ZNF91: variants seen among roughly 807,000 people sequenced by gnomAD.
ZNF91 encodes zinc finger protein 91, also known as zinc finger protein 91 (HPF7, HTF10).
ZNF91 carries 7 observed loss-of-function variants against 12.6 expected under a neutral mutation model. The observed-to-expected ratio is 0.55, with a 90% CI of 0.31 to 1.04. ZNF91 has a LOEUF of 1.04. Among genes scored for constraint, ZNF91 ranks in the 50% least tolerant of loss-of-function variants. The pLI, the probability that ZNF91 is intolerant of heterozygous loss-of-function variation, is 0.05. For missense variants in ZNF91, 1,217 were observed against 1,385.4 expected (o/e 0.88, Z 1.93); for synonymous variants, 453 against 462.6 (o/e 0.98, Z 0.27).
chr19:23,368,552 C>A (rs71357974), intron 3 of ZNF91, among the ~76,000 whole-genome samples: 28,016 of 78,858 alleles, frequency 0.36, 3,989 homozygotes, highest in Non-Finnish European at 0.44. Flanking sequence ...CTCTCTCTCT[C>A]TCTCTCTCTC....
rs766820088 is a variant in ZNF91, at chr19:23,362,752, A to T, written c.254-27T>A. The stretch of plus-strand genomic sequence containing the variant: ...TGAAAAAAAAAAACTAAAAATAATA[A>T]ATTACTCCACTCACCTAGACTCACA... On this transcript the variant is annotated intron_variant, in intron 3 of 3. Coordinates refer to ENST00000300619, the MANE Select transcript of ZNF91 (RefSeq NM_003430.4). The T allele has an allele frequency of 2.8e-6, 4 of 1,414,872 alleles. No homozygotes were observed. The South Asian group carries it at 7.8e-5, about 28-fold the overall frequency. 87.6% of individuals were successfully genotyped at this position (1,414,872 alleles called of 1,614,324 possible).
intron 1 of ZNF91, among the ~76,000 whole-genome samples, chr19:23,309,951 T>G (rs1452394531): frequency 2.6e-5 from 4 of 152,182 alleles, no homozygotes; most frequent in Admixed American, 6.5e-5. Context: ...ATCTCACACA[T>G]GGATGCAGTC....
At chr19:23,336,131 GTAATTTTAACTAATATAT>G (rs1968003896), downstream of ZNF91, among the ~76,000 whole-genome samples, 1 of 152,126 alleles carries the variant, frequency 6.6e-6, no homozygotes, top group African/African-American at 2.4e-5. Context: ...TCTTAATATA[GTAATTTTAACTAATATAT>G]TAATTTTAAC....
intron 1 of ZNF91, among the ~76,000 whole-genome samples, chr19:23,333,459 ATTAT>A (rs1377464443): frequency 6.6e-6 from 1 of 152,124 alleles, no homozygotes; most frequent in East Asian, 1.9e-4. Flanking sequence ...TCTGGGAGGT[ATTAT>A]TTCTTTGTTG....
chr19:23,364,148 G>C (rs752092109), intron 3 of ZNF91, among the ~76,000 whole-genome samples: 2 of 152,142 alleles, frequency 1.3e-5, no homozygotes, highest in Non-Finnish European at 1.5e-5. Context: ...GTGAAACCCC[G>C]TCTCTACTAA....
chr19:23,371,886 G>T (rs1381885688), intron 3 of ZNF91, among the ~76,000 whole-genome samples: 2 of 152,034 alleles, frequency 1.3e-5, no homozygotes, highest in African/African-American at 2.4e-5. Context: ...TTAAATATGT[G>T]CTATTTTTAC....
rs1489162284 is a variant in ZNF91 at position 23,361,177 on chromosome 19, G to A, written c.1802C>T (p.Ser601Phe). 8 of 1,613,376 alleles carry A rather than the reference G, an allele frequency of 5.0e-6. No individual in the cohort carries two copies. Among genetic ancestry groups the A allele is most frequent in the Non-Finnish European group, 5.9e-6 (7 of 1,179,800 alleles). Reference protein sequence around the residue: ...THKIIHTGEKSYKCEECGKAF... With the variant: ...THKIIHTGEKFYKCEECGKAF... ...TTTGCCACATTCTTCACACTTGTAA[G>A]ACTTCTCTCCAGTATGAATTATCTT... is the stretch of plus-strand genomic sequence containing the variant. The change falls in exon 4 of 4, where the codon TCT (serine) becomes TTT (phenylalanine). Residue 601 changes from serine (S) to phenylalanine (F), a missense_variant. Physicochemically the swap from Ser to Phe is radical, Grantham distance 155. This residue lies in a region of ZNF91 where 726 missense variants were observed against 895.5 expected (regional missense o/e 0.81). Coordinates refer to ENST00000300619, the MANE Select transcript of ZNF91 (RefSeq NM_003430.4).
chr19:23,356,572 T>G (rs1968491362), downstream of ZNF91, among the ~76,000 whole-genome samples: 1 of 152,076 alleles, frequency 6.6e-6, no homozygotes, highest in South Asian at 2.1e-4. Flanking sequence ...CAATGGACTT[T>G]GGGTACTTGC....
chr19:23,350,295 G>T (rs1968330755), intron 3 of ZNF91, among the ~76,000 whole-genome samples: 1 of 152,112 alleles, frequency 6.6e-6, no homozygotes. Flanking sequence ...CTTTAAGGAG[G>T]GTGGTTCTCT....
intron 1 of ZNF91, chr19:23,323,931 TTC>T (rs1967782448): frequency 6.9e-6 from 1 of 144,322 alleles, no homozygotes; most frequent in Non-Finnish European, 1.6e-5. Flanking sequence ...CTCCTCCTCC[TTC>T]TCTTCTCCTT....
intron 1 of ZNF91, chr19:23,327,717 TTTTAC>T (rs1218096255): frequency 3.9e-5 from 6 of 152,310 alleles, no homozygotes; most frequent in African/African-American, 9.6e-5. Flanking sequence ...CCATTTTATC[TTTTAC>T]TTTAGAGTTT....
At position 23,388,561 on chromosome 19, in the gene ZNF91, G is replaced by A. The variant is rs546335438; in HGVS notation, c.30+6764C>T. ...CCCTTTATAGCAACATGAAGCTGGA[G>A]ACCATTATTCTTGGAAAACCAATGC... On this transcript the variant is annotated intron_variant, in intron 1 of 3. Transcript: ENST00000300619. Among the ~76,000 whole-genome samples, 147 of 152,222 alleles carry A rather than the reference G, an allele frequency of 9.7e-4. 1 individual carries two copies. The highest frequency in any genetic ancestry group is 3.4e-3 in the African/African-American group (142 of 41,546).
At chr19:23,385,677 A>G (rs1969846103) in intron 1 of ZNF91, among the ~76,000 whole-genome samples, 1 of 152,216 alleles carries the variant, frequency 6.6e-6, no homozygotes, top group African/African-American at 2.4e-5. Context: ...TTTTCTGAGC[A>G]AGAGGAAGTA....
intron 1 of ZNF91, among the ~76,000 whole-genome samples, chr19:23,381,698 G>T (rs2145119627): frequency 6.6e-6 from 1 of 152,128 alleles, no homozygotes; most frequent in Admixed American, 6.5e-5. Context: ...AACCTCAGGT[G>T]ATCCGCCCGA....
chr19:23,386,747 G>A (rs980069096), intron 1 of ZNF91, among the ~76,000 whole-genome samples: 6 of 152,080 alleles, frequency 3.9e-5, no homozygotes, highest in Admixed American at 3.9e-4. Context: ...ACAGAAACTG[G>A]CAGAGATTTC....
chr19:23,319,351 C>A (rs1005103951), intron 1 of ZNF91, among the ~76,000 whole-genome samples: 1 of 152,198 alleles, frequency 6.6e-6, no homozygotes, highest in Non-Finnish European at 1.5e-5. Context: ...TTATGCCATA[C>A]CTTTTTGTTT....
At chr19:23,393,666 A>C (rs576827075) in intron 1 of ZNF91, among the ~76,000 whole-genome samples, 6 of 152,322 alleles carry the variant, frequency 3.9e-5, no homozygotes, top group African/African-American at 1.4e-4. Context: ...ACCAAAAAAA[A>C]CAAATCTTTT....
intron 3 of ZNF91, among the ~76,000 whole-genome samples, chr19:23,363,375 A>C (rs922887304): frequency 6.6e-6 from 1 of 152,224 alleles, no homozygotes; most frequent in South Asian, 2.1e-4. Context: ...ACCAAAGAAA[A>C]ATGTTACAGC....
intron 3 of ZNF91, among the ~76,000 whole-genome samples, chr19:23,367,449 G>C (rs1831608775): frequency 6.6e-6 from 1 of 151,892 alleles, no homozygotes; most frequent in Non-Finnish European, 1.5e-5. Flanking sequence ...TTTTGCACAG[G>C]AATAAAAAAA....
Sources: allele counts gnomAD v4.1 joint callset (sites outside exome capture counted in the v4.1 genomes callset), GRCh38; gene constraint gnomAD v4.1.1; regional missense constraint gnomAD v4.1.1; transcripts MANE v1.5; gene names NCBI Gene and HGNC (gene_info 2026-07-23, HGNC 2026-07-21).